MICAL3: variants seen among roughly 807,000 people sequenced by gnomAD.
MICAL3 encodes the protein microtubule associated monooxygenase, calponin and LIM domain containing 3, also known as [F-actin]-monooxygenase MICAL3.
Under a neutral mutation model 207.4 loss-of-function variants are expected in MICAL3, and 62 were observed. That is an observed-to-expected ratio of 0.30 (90% confidence interval 0.24 to 0.37). MICAL3 has a LOEUF of 0.37. MICAL3 is among the 10% of genes least tolerant of loss of function. The pLI is 1.00. For missense variants in MICAL3, 2,368 were observed against 2,635.6 expected, an observed-to-expected ratio of 0.90 and a Z score of 2.22; for synonymous variants, 1,077 against 1,069.3, an observed-to-expected ratio of 1.01 and a Z score of -0.14.
Position 17,808,898 on chromosome 22 carries a change from G to T in MICAL3, c.5596C>A (p.Arg1866=). 6.4e-7 allele frequency: 1 copy of T among 1,553,816 alleles called. No individual in the cohort carries two copies. The highest frequency in any genetic ancestry group is 8.7e-7 in the Non-Finnish European group (1 of 1,148,732). ...RQLQQVEERQ[R]RLEERGVAVE... ...GCCACGCCCCTTTCCTCCAGCCGCC[G>T]CTGCCTCTCCTCCACCTGCTGCAGC... Residue 1866 remains arginine (R), a synonymous_variant, in exon 29 of 32, where the codon CGG becomes AGG. Transcript: ENST00000441493.
In MICAL3 at chr22:17,810,105, T is replaced by C. The variant is rs541452312; in HGVS notation, c.5556+598A>G. ...TGAGACAGAGTCTCTCTGTGTCGCCTAGGCTGGGGTGCAGTGGCACAATCT... is the reference window on the plus strand; with the variant it reads ...TGAGACAGAGTCTCTCTGTGTCGCCCAGGCTGGGGTGCAGTGGCACAATCT... On this transcript the variant is annotated intron_variant, in intron 28 of 31. Coordinates refer to ENST00000441493, the MANE Select transcript of MICAL3 (RefSeq NM_015241.3). Among the ~76,000 whole-genome samples, 1,115 of 142,208 alleles carry C rather than the reference T, an allele frequency of 7.8e-3. 9 individuals carry two copies. Among genetic ancestry groups the C allele is most frequent in the Middle Eastern group, 0.022 (6 of 278 alleles). The allele number at this position is 142,208 out of a possible 152,430, so 93.3% of individuals were successfully genotyped here.
At chr22:17,907,903 T>C (rs768182313) in intron 1 of MICAL3, among the ~76,000 whole-genome samples, 2 of 152,168 alleles carry the variant, frequency 1.3e-5, no homozygotes, top group African/African-American at 2.4e-5. Context: ...CTGAATCGAA[T>C]TGAACAGCAG....
Position 17,863,499 on chromosome 22 carries a change from A to G in MICAL3, c.2605+1400T>C. The G allele has an allele frequency of 5.1e-6, 5 of 985,444 alleles. No homozygotes were observed. The South Asian group carries it at 1.9e-4, about 37-fold the overall frequency. The allele number at this position is 985,444 out of a possible 1,614,324, so 61.0% of individuals were successfully genotyped here. ...TGCAAAGGCCTGTGGGTACTTCACG[A>G]GAAAGATGGATTATAAAGATCTTCA... On this transcript the variant is annotated intron_variant, in intron 19 of 31. Coordinates refer to ENST00000441493, the MANE Select transcript of MICAL3 (RefSeq NM_015241.3).
In MICAL3 at chr22:17,950,335, T is replaced by G. The variant is rs557766832; in HGVS notation, c.-74-43449A>C. ...TGCCACCACATCTGGCGTTTTGTTTTTGTTTTTTTTTTTTTTTTTTTTTTT... is the reference window on the plus strand; with the variant it reads ...TGCCACCACATCTGGCGTTTTGTTTGTGTTTTTTTTTTTTTTTTTTTTTTT... On this transcript the variant is annotated intron_variant, in intron 1 of 31. Transcript: ENST00000441493. Among the ~76,000 whole-genome samples the G allele has an allele frequency of 2.1e-3, 253 of 122,346 alleles. 1 individual carries two copies. Among genetic ancestry groups the G allele is most frequent in the Middle Eastern group, 9.3e-3 (2 of 216 alleles). The allele number at this position is 122,346 out of a possible 152,430, so 80.3% of individuals were successfully genotyped here.
intron 21 of MICAL3, among the ~76,000 whole-genome samples, chr22:17,829,502 A>C (rs1271171132): frequency 6.6e-6 from 1 of 152,132 alleles, no homozygotes; most frequent in Non-Finnish European, 1.5e-5. Flanking sequence ...GCTGGGTGGG[A>C]CTAAGTCACA....
intron 19 of MICAL3, among the ~76,000 whole-genome samples, chr22:17,848,035 C>G (rs1358200102): frequency 6.6e-6 from 1 of 152,144 alleles, no homozygotes; most frequent in Admixed American, 6.5e-5. Context: ...TCTTCTTGAA[C>G]TAAAGGAAGC....
In MICAL3 at chr22:17,822,102, C is replaced by T. The variant is rs764668902; in HGVS notation, c.3376G>A (p.Glu1126Lys). Reference protein sequence around the residue: ...ELRLPCPAEGEAELELRVSED... With the variant: ...ELRLPCPAEGKAELELRVSED... ...GACACCCTCAGCTCCAGCTCTGCTTCCCCCTCAGCTGGGCACGGCAAACGC... is the reference window on the plus strand; with the variant it reads ...GACACCCTCAGCTCCAGCTCTGCTTTCCCCTCAGCTGGGCACGGCAAACGC... The change falls in exon 24 of 32, where the codon GAA becomes AAA. Residue 1126 changes from glutamate to lysine, a missense_variant. Glu to Lys is a moderately conservative substitution (Grantham distance 56). This residue lies in a region of MICAL3 where 1,770 missense variants were observed against 1,863.2 expected (regional missense o/e 0.95). Coordinates refer to ENST00000441493, the MANE Select transcript of MICAL3 (RefSeq NM_015241.3). 1.2e-6 allele frequency: 2 copies of T among 1,613,930 alleles called. No homozygotes were observed. Among genetic ancestry groups the T allele is most frequent in the East Asian group, 4.5e-5 (2 of 44,882 alleles).
chr22:17,975,891 A>C (rs1935607601), intron 1 of MICAL3, among the ~76,000 whole-genome samples: 1 of 152,128 alleles, frequency 6.6e-6, no homozygotes, highest in South Asian at 2.1e-4. Flanking sequence ...TCTCTACTAA[A>C]AATACAAAAA....
intron 1 of MICAL3, among the ~76,000 whole-genome samples, chr22:17,981,942 A>C (rs1209209099): frequency 3.3e-5 from 5 of 152,002 alleles, no homozygotes; most frequent in Admixed American, 2.6e-4. Context: ...GCCTCTACAA[A>C]AAAATTAACG....
chr22:17,885,701 G>A (rs1929809335), intron 16 of MICAL3, among the ~76,000 whole-genome samples, 177 bp downstream of exon 16: 1 of 152,126 alleles, frequency 6.6e-6, no homozygotes, highest in Admixed American at 6.5e-5. Context: ...GCAACCCTCA[G>A]AGCCTGAAGC....
intron 1 of MICAL3, among the ~76,000 whole-genome samples, chr22:18,007,998 C>T (rs1224009825): frequency 2.0e-5 from 3 of 148,230 alleles, no homozygotes; most frequent in Admixed American, 6.8e-5. Flanking sequence ...CTCAGCACTT[C>T]GGGAGGCTGA....
chr22:17,831,926 C>T lies in MICAL3; in HGVS notation c.2983G>A (p.Glu995Lys). The change falls in exon 21 of 32, where the codon GAG (glutamate) becomes AAG (lysine). Residue 995 changes from glutamate to lysine, a missense_variant. By Grantham distance (56) the Glu-to-Lys change is moderately conservative (BLOSUM62 1). Coordinates refer to ENST00000441493, the MANE Select transcript of MICAL3 (RefSeq NM_015241.3). ...TCTTCATATTCTTCCTCCTCCTCCT[C>T]CTCCTCTTCATTCCCAGGCCCAAAG... ...KSFGPGNEEE[E>K]EEEEEYEEEE... 1 of 1,567,776 alleles carries T rather than the reference C, an allele frequency of 6.4e-7. No individual in the cohort carries two copies. The highest frequency in any genetic ancestry group is 1.2e-5 in the South Asian group (1 of 85,110).
intron 15 of MICAL3, among the ~76,000 whole-genome samples, 172 bp downstream of exon 15, chr22:17,886,988 CAAAAAAAAAA>C (rs55999508): frequency 1.7e-4 from 7 of 41,348 alleles, no homozygotes; most frequent in Admixed American, 3.9e-4. Flanking sequence ...ACTCTTGTCT[CAAAAAAAAAA>C]AAAAAAAAAA....
At chr22:17,853,450 T>C (rs774470476) in intron 19 of MICAL3, among the ~76,000 whole-genome samples, 1 of 152,246 alleles carries the variant, frequency 6.6e-6, no homozygotes, top group Non-Finnish European at 1.5e-5. Context: ...ACACAGCCAG[T>C]AGAAATGATT....
chr22:17,891,923 C>T (rs1046158577), intron 11 of MICAL3, among the ~76,000 whole-genome samples: 5 of 152,346 alleles, frequency 3.3e-5, no homozygotes, highest in African/African-American at 4.8e-5. Flanking sequence ...GCTGTCCCCA[C>T]GGCACTGAGG....
chr22:17,981,091 G>A, intron 1 of MICAL3: 1 of 295,118 alleles, frequency 3.4e-6, no homozygotes, highest in Non-Finnish European at 7.4e-6. Context: ...TATTTATATG[G>A]ACACATTTAT....
At chr22:17,883,483 A>G (rs1030240129) in intron 16 of MICAL3, among the ~76,000 whole-genome samples, 1 of 152,232 alleles carries the variant, frequency 6.6e-6, no homozygotes, top group Non-Finnish European at 1.5e-5. Context: ...CACTGACGGC[A>G]TCCAGGGCCC....
intron 1 of MICAL3, among the ~76,000 whole-genome samples, chr22:17,999,375 T>C (rs1922670371): frequency 6.6e-6 from 1 of 152,158 alleles, no homozygotes; most frequent in African/African-American, 2.4e-5. Flanking sequence ...ACCACAGAAA[T>C]GTCTGGAGAG....
intron 1 of MICAL3, among the ~76,000 whole-genome samples, chr22:17,929,252 C>T (rs1467653200): frequency 6.9e-6 from 1 of 144,746 alleles, no homozygotes; most frequent in Non-Finnish European, 1.5e-5. Context: ...ATGTGCACCA[C>T]CACGCCTGGC....
Sources: allele counts gnomAD v4.1 joint callset (sites outside exome capture counted in the v4.1 genomes callset), GRCh38; gene constraint gnomAD v4.1.1; regional missense constraint gnomAD v4.1.1; transcripts MANE v1.5; gene names NCBI Gene and HGNC (gene_info 2026-07-23, HGNC 2026-07-21).